The following PAPSS1 variants were observed in gnomAD, a reference collection of about 807,000 sequenced individuals.
The protein encoded by PAPSS1 is 3'-phosphoadenosine 5'-phosphosulfate synthase 1, also known as bifunctional 3'-phosphoadenosine 5'-phosphosulfate synthase 1.
PAPSS1 carries 50 observed loss-of-function variants against 72.0 expected under a neutral mutation model. The ratio of observed to expected loss-of-function variants is 0.69; its 90% CI spans 0.55 to 0.88. The LOEUF (loss-of-function observed/expected upper bound fraction) is 0.88. Among genes scored for constraint, PAPSS1 ranks in the 40% least tolerant of loss-of-function variants. The pLI, the probability that PAPSS1 is intolerant of heterozygous loss-of-function variation, is 0.00. For missense variants in PAPSS1, 657 were observed against 782.2 expected (o/e 0.84, Z 1.91); for synonymous variants, 261 against 263.6 (o/e 0.99, Z 0.09).
At chr4:107,678,560 G>C (rs1236649147) in intron 5 of PAPSS1, among the ~76,000 whole-genome samples, 24 of 151,902 alleles carry the variant, frequency 1.6e-4, no homozygotes, top group Admixed American at 1.6e-3. Flanking sequence ...GAACATGGGA[G>C]GAAGAGGTAG....
chr4:107,710,405 T>G (rs1219354766), intron 1 of PAPSS1, among the ~76,000 whole-genome samples: 1 of 152,204 alleles, frequency 6.6e-6, no homozygotes, highest in Non-Finnish European at 1.5e-5. Context: ...CTTTTGTTAT[T>G]TATGTACCAT....
chr4:107,675,238 A>G (rs1487037024), intron 5 of PAPSS1, among the ~76,000 whole-genome samples: 2 of 152,230 alleles, frequency 1.3e-5, no homozygotes, highest in African/African-American at 4.8e-5. Context: ...AAATCAATGA[A>G]TCCAGCAGCT....
At position 107,719,994 on chromosome 4, in the gene PAPSS1, C is replaced by T. The variant is rs1471190198; in HGVS notation, c.60+126G>A. 5 of 1,482,836 alleles carry T rather than the reference C, an allele frequency of 3.4e-6. No individual in the cohort carries two copies. In the South Asian group the frequency reaches 3.9e-5, roughly 12 times the overall value. 91.9% of individuals were successfully genotyped at this position (1,482,836 alleles called of 1,614,324 possible). ...CCCCAGCCGGGAGGCGCCGCAGCCC[C>T]GGAACCCACCTCCGCGCTCCTGGAA... On this transcript the variant is annotated intron_variant, in intron 1 of 11. Coordinates refer to ENST00000265174, the MANE Select transcript of PAPSS1 (RefSeq NM_005443.5).
At chr4:107,622,199 A>G (rs1397597832) in intron 11 of PAPSS1, among the ~76,000 whole-genome samples, 1 of 151,762 alleles carries the variant, frequency 6.6e-6, no homozygotes, top group Non-Finnish European at 1.5e-5. Context: ...TCCTGGCATT[A>G]AAAAAAATGT....
At chr4:107,618,453 A>G (rs1385071000) in intron 11 of PAPSS1, among the ~76,000 whole-genome samples, 1 of 151,694 alleles carries the variant, frequency 6.6e-6, no homozygotes, top group African/African-American at 2.4e-5. Flanking sequence ...AGAATGAGAA[A>G]GGGGAGGAGG....
At chr4:107,704,994 A>G (rs1723299046) in intron 1 of PAPSS1, among the ~76,000 whole-genome samples, 1 of 152,016 alleles carries the variant, frequency 6.6e-6, no homozygotes, top group Admixed American at 6.6e-5. Context: ...CCATCTTTGC[A>G]TCCCTGAAAT....
intron 5 of PAPSS1, among the ~76,000 whole-genome samples, chr4:107,660,642 G>A (rs1392366125): frequency 6.6e-6 from 1 of 152,132 alleles, no homozygotes; most frequent in South Asian, 2.1e-4. Flanking sequence ...CACTGGGATG[G>A]TGTTTTTCCC....
Position 107,720,216 on chromosome 4 carries a change from G to A in PAPSS1, c.-37C>T. On this transcript the variant is annotated 5_prime_UTR_variant, in exon 1 of 12. Coordinates refer to ENST00000265174, the MANE Select transcript of PAPSS1 (RefSeq NM_005443.5). ...GCGCTGAGCAGCCGGGGTTCTCTGC[G>A]CCGGGAGGGTAGCAAGAGGAGGGCA... 6.9e-6 allele frequency: 11 copies of A among 1,584,930 alleles called. No individual in the cohort carries two copies. The highest frequency in any genetic ancestry group is 9.4e-6 in the Non-Finnish European group (11 of 1,167,184).
intron 1 of PAPSS1, among the ~76,000 whole-genome samples, chr4:107,717,070 T>A (rs1723657070): frequency 7.0e-6 from 1 of 142,052 alleles, no homozygotes; most frequent in South Asian, 2.2e-4. Context: ...AAGTGAAATG[T>A]GTACTAACTG....
intron 5 of PAPSS1, among the ~76,000 whole-genome samples, chr4:107,674,661 C>T (rs540041524): frequency 2.0e-5 from 3 of 152,234 alleles, no homozygotes; most frequent in Non-Finnish European, 2.9e-5. Flanking sequence ...AGGAATTGAA[C>T]TCAGCTCTGC....
intron 11 of PAPSS1, among the ~76,000 whole-genome samples, 187 bp downstream of exon 11, chr4:107,631,444 T>C (rs906286760): frequency 1.3e-5 from 2 of 152,180 alleles, no homozygotes; most frequent in Non-Finnish European, 2.9e-5. Flanking sequence ...ACCATGAAAC[T>C]AGATTCAAGT....
At chr4:107,645,101 G>A in intron 9 of PAPSS1, 31 bp from the exon 10 acceptor site, 1 of 1,453,342 alleles carries the variant, frequency 6.9e-7, no homozygotes, top group Non-Finnish European at 9.1e-7. Flanking sequence ...GTTAAGAATA[G>A]CATGTTTCTA....
At chr4:107,708,539 G>T (rs1234856726) in intron 1 of PAPSS1, among the ~76,000 whole-genome samples, 1 of 152,206 alleles carries the variant, frequency 6.6e-6, no homozygotes, top group Non-Finnish European at 1.5e-5. Context: ...TTTGGGCTCT[G>T]TAAAATATCT....
intron 5 of PAPSS1, among the ~76,000 whole-genome samples, chr4:107,675,863 T>G (rs1727628395): frequency 6.6e-6 from 1 of 152,222 alleles, no homozygotes; most frequent in South Asian, 2.1e-4. Context: ...ATCCCTGGGA[T>G]GCAAGGCTGG....
intron 2 of PAPSS1, among the ~76,000 whole-genome samples, chr4:107,694,968 G>A (rs1404604749): frequency 1.3e-5 from 2 of 150,402 alleles, no homozygotes; most frequent in Non-Finnish European, 3.0e-5. Flanking sequence ...AAAAATAGAA[G>A]AGAGGGCTTT....
At chr4:107,694,296 G>T in intron 2 of PAPSS1, 1 of 337,300 alleles carries the variant, frequency 3.0e-6, no homozygotes, top group Middle Eastern at 8.4e-4. Context: ...TGGCTCAAGA[G>T]ATATAAAAAA....
intron 5 of PAPSS1, among the ~76,000 whole-genome samples, chr4:107,672,232 T>A (rs1246938031): frequency 1.3e-5 from 2 of 152,070 alleles, no homozygotes. Flanking sequence ...GGACAGTGGG[T>A]GCAGCGCACC....
intron 5 of PAPSS1, among the ~76,000 whole-genome samples, chr4:107,669,864 T>A (rs1409470938): frequency 1.3e-5 from 2 of 152,206 alleles, no homozygotes; most frequent in Admixed American, 6.5e-5. Context: ...TTTAATTACA[T>A]CTCACTTAAG....
chr4:107,649,432 A>T (rs1726781973), intron 9 of PAPSS1, among the ~76,000 whole-genome samples: 2 of 152,252 alleles, frequency 1.3e-5, no homozygotes, highest in African/African-American at 4.8e-5. Flanking sequence ...CTGGAACCTC[A>T]GCAAATCCTT....
Sources: allele counts gnomAD v4.1 joint callset (sites outside exome capture counted in the v4.1 genomes callset), GRCh38; gene constraint gnomAD v4.1.1; transcripts MANE v1.5; gene names NCBI Gene and HGNC (gene_info 2026-07-23, HGNC 2026-07-21).